CD207: variants seen among roughly 807,000 people sequenced by gnomAD.
CD207 encodes the protein C-type lectin domain family 4 member K.
Under a neutral mutation model 31.6 loss-of-function variants are expected in CD207, and 28 were observed. The ratio of observed to expected loss-of-function variants is 0.89; its 90% CI spans 0.66 to 1.21. The LOEUF (loss-of-function observed/expected upper bound fraction) is 1.21, where lower values mean the gene tolerates loss of function less well. Ranked by LOEUF, CD207 falls within the 50% of genes most tolerant of loss-of-function variation. The probability of loss-of-function intolerance (pLI) is 0.00; values close to 1 mark genes in which losing one functional copy is unlikely to be tolerated. For synonymous variants in CD207, 168 were observed against 153.9 expected (o/e 1.09, Z -0.68); for missense variants, 388 against 397.8 (o/e 0.98, Z 0.21).
intron 4 of CD207, 54 bp downstream of exon 4, chr2:70,832,846 C>T: frequency 6.5e-7 from 1 of 1,533,194 alleles, no homozygotes; most frequent in South Asian, 1.2e-5. Context: ...GCCCATCCTC[C>T]CTGGCCCAGT....
chr2:70,834,775 C>T (rs886633126), intron 2 of CD207, among the ~76,000 whole-genome samples: 4 of 152,048 alleles, frequency 2.6e-5, no homozygotes, highest in South Asian at 4.2e-4. Flanking sequence ...AAATATGTCC[C>T]GAGGCCACAG....
downstream of CD207, among the ~76,000 whole-genome samples, chr2:70,826,751 T>C (rs1254488476): frequency 6.6e-6 from 1 of 152,196 alleles, no homozygotes; most frequent in Non-Finnish European, 1.5e-5. Flanking sequence ...GGAAGATACC[T>C]AAACCAAGAA....
At chr2:70,826,009 A>G (rs78917374), downstream of CD207, among the ~76,000 whole-genome samples, 91,271 of 151,244 alleles carry the variant, frequency 0.6, 27,996 homozygotes, top group Middle Eastern at 0.7. Context: ...TTAGCTGGGC[A>G]TGGTGGTGCA....
downstream of CD207, among the ~76,000 whole-genome samples, chr2:70,828,182 C>G (rs1352718114): frequency 2.0e-5 from 3 of 152,176 alleles, no homozygotes; most frequent in African/African-American, 7.2e-5. Context: ...TGATAACACC[C>G]CAAGACCTGC....
At position 70,833,750 on chromosome 2, in the gene CD207, A is replaced by G; in HGVS notation, c.461T>C (p.Ile154Thr). The change falls in exon 3 of 6, where the codon ATC (isoleucine) becomes ACC (threonine). Residue 154 changes from isoleucine (I) to threonine (T), a missense_variant. Coordinates refer to ENST00000410009, the MANE Select transcript of CD207 (RefSeq NM_015717.5). Reference protein sequence around the residue: ...WEEVSTLNAQIPELKSDLEKA... With the variant: ...WEEVSTLNAQTPELKSDLEKA... ...CTCCAAATCACTTTTTAACTCTGGG[A>G]TTTGGGCATTTAAGGTACTGACTTC... 1 of 1,613,948 alleles carries G rather than the reference A, an allele frequency of 6.2e-7. No homozygotes were observed. Among genetic ancestry groups the G allele is most frequent in the Non-Finnish European group, 8.5e-7 (1 of 1,179,894 alleles).
At chr2:70,825,947 G>A (rs1677333579), downstream of CD207, among the ~76,000 whole-genome samples, 1 of 151,894 alleles carries the variant, frequency 6.6e-6, no homozygotes, top group South Asian at 2.1e-4. Flanking sequence ...GGAGTTTGAA[G>A]CCAGCCTGGG....
In CD207 at chr2:70,833,903, T is replaced by C. The variant is rs1553400409; in HGVS notation, c.308A>G (p.Glu103Gly). ...SEIKKNSDGM[E>G]AAGVQIQMVN... Reference sequence around the variant, plus strand: ...CATCTGGATCTGAACGCCAGCTGCCTCCATGCCGTCACTATTCTTTTTAAT... The same window carrying C: ...CATCTGGATCTGAACGCCAGCTGCCCCCATGCCGTCACTATTCTTTTTAAT... Residue 103 changes from glutamate (E) to glycine (G), a missense_variant, in exon 3 of 6, where the codon GAG (glutamate) becomes GGG (glycine). Glu to Gly is a moderately conservative substitution (Grantham distance 98, BLOSUM62 -2). Coordinates refer to ENST00000410009, the MANE Select transcript of CD207 (RefSeq NM_015717.5). 6.2e-7 allele frequency: 1 copy of C among 1,604,468 alleles called. No individual in the cohort carries two copies.
chr2:70,824,648 T>TAAAAAG, the CD207 span, among the ~76,000 whole-genome samples: 1 of 40,952 alleles, frequency 2.4e-5, no homozygotes, highest in Non-Finnish European at 5.8e-5. Flanking sequence ...AAAAAAAAAC[T>TAAAAAG]GAGGGAAGTA....
At chr2:70,831,635 A>T in intron 5 of CD207, 66 bp downstream of exon 5, 3 of 945,208 alleles carry the variant, frequency 3.2e-6, no homozygotes, top group South Asian at 1.3e-5. Flanking sequence ...CATCGCCCCC[A>T]CTCCCTTCAT....
chr2:70,835,537 G>C lies in CD207; in HGVS notation c.144C>G (p.Cys48Trp). ...CGGAGGCGACCAGGACCAGCGTCAG[G>C]CAGATTAATGCAGCACGGACTGTGG... ...KTPTVRAALICLTLVLVASVL... is the reference protein window; with the variant it reads ...KTPTVRAALIWLTLVLVASVL... The change falls in exon 2 of 6, where the codon TGC becomes TGG. Residue 48 changes from cysteine to tryptophan, a missense_variant. Cys to Trp is a radical substitution (Grantham distance 215). Coordinates refer to ENST00000410009, the MANE Select transcript of CD207 (RefSeq NM_015717.5). 3 of 1,613,958 alleles carry C rather than the reference G, an allele frequency of 1.9e-6. No individual in the cohort carries two copies. The highest frequency in any genetic ancestry group is 2.5e-6 in the Non-Finnish European group (3 of 1,179,864).
At chr2:70,828,388 G>A (rs1443436664), downstream of CD207, among the ~76,000 whole-genome samples, 4 of 152,228 alleles carry the variant, frequency 2.6e-5, no homozygotes, top group Admixed American at 1.3e-4. Context: ...CCAAGGCAAT[G>A]CTGCACTTGT....
At chr2:70,825,883 C>T (rs1348958102), downstream of CD207, among the ~76,000 whole-genome samples, 1 of 152,262 alleles carries the variant, frequency 6.6e-6, no homozygotes, top group African/African-American at 2.4e-5. Context: ...TGGCAACTCA[C>T]ACCTGTAATC....
chr2:70,835,456 G>C (rs782546321), intron 2 of CD207, 35 bp downstream of exon 2: 3 of 1,497,956 alleles, frequency 2.0e-6, no homozygotes, highest in East Asian at 4.5e-5. Flanking sequence ...CCACAGAGAG[G>C]GGCTAAGCCC....
At chr2:70,832,829 TA>T in intron 4 of CD207, 70 bp downstream of exon 4, 1 of 1,435,046 alleles carries the variant, frequency 7.0e-7, no homozygotes, top group Non-Finnish European at 9.5e-7. Flanking sequence ...TCACGCAGTA[TA>T]ATCTTGCCCA....
rs1207700050 is a variant in CD207, at chr2:70,833,257, G to A, written c.566-206C>T. Among the ~76,000 whole-genome samples, 14 of 152,044 alleles carry A rather than the reference G, an allele frequency of 9.2e-5. 1 individual carries two copies. Among genetic ancestry groups the A allele is most frequent in the Non-Finnish European group, 1.8e-4 (12 of 68,008 alleles). On this transcript the variant is annotated intron_variant, in intron 3 of 5. Transcript: ENST00000410009. ...TAATAGAGTCTCTGGGACTGGAGAG[G>A]TTATAATGCAAGAGGTTGGACAAAG...
At chr2:70,831,525 G>A (rs1677471515) in intron 5 of CD207, among the ~76,000 whole-genome samples, 176 bp downstream of exon 5, 3 of 152,200 alleles carry the variant, frequency 2.0e-5, no homozygotes, top group Admixed American at 2.0e-4. Flanking sequence ...GGAGGGCTCA[G>A]GTCCACAGCC....
At chr2:70,832,275 G>C (rs965377804) in intron 4 of CD207, among the ~76,000 whole-genome samples, 2 of 152,086 alleles carry the variant, frequency 1.3e-5, no homozygotes, top group Admixed American at 1.3e-4. Flanking sequence ...GTGAAGTTGG[G>C]TATTCCACCC....
chr2:70,834,800 A>C (rs3771404), intron 2 of CD207, among the ~76,000 whole-genome samples: 2,242 of 152,092 alleles, frequency 0.015, 77 homozygotes, highest in East Asian at 0.12. Context: ...AGAAAAAAAA[A>C]CCCAACAGCT....
chr2:70,832,642 T>C (rs1553400018), intron 4 of CD207, among the ~76,000 whole-genome samples: 1 of 152,198 alleles, frequency 6.6e-6, no homozygotes, highest in Non-Finnish European at 1.5e-5. Flanking sequence ...CTTTGCACAA[T>C]ATGTCAAGTT....
Sources: allele counts gnomAD v4.1 joint callset (sites outside exome capture counted in the v4.1 genomes callset), GRCh38; gene constraint gnomAD v4.1.1; transcripts MANE v1.5; gene names NCBI Gene and HGNC (gene_info 2026-07-23, HGNC 2026-07-21).